Variants in DDX46 observed in about 807,000 individuals in gnomAD.
DDX46 encodes the protein probable ATP-dependent RNA helicase DDX46.
In DDX46, 30 loss-of-function variants were observed where a neutral mutation model predicts 134.9. The ratio of observed to expected loss-of-function variants is 0.22; its 90% CI spans 0.17 to 0.30. The LOEUF (loss-of-function observed/expected upper bound fraction) is 0.30, where lower values mean the gene tolerates loss of function less well. DDX46 is among the 10% of genes least tolerant of loss of function. The pLI is 1.00. For missense variants in DDX46, 622 were observed against 1,248.7 expected, an observed-to-expected ratio of 0.50 and a Z score of 7.56; for synonymous variants, 415 against 404.1, an observed-to-expected ratio of 1.03 and a Z score of -0.32.
At chr5:134,786,386 C>T (rs1438119308) in intron 11 of DDX46, among the ~76,000 whole-genome samples, 2 of 152,088 alleles carry the variant, frequency 1.3e-5, no homozygotes, top group Non-Finnish European at 2.9e-5. Context: ...CCTCCCTCTT[C>T]CCCTGCCTGA....
chr5:134,773,912 A>C, intron 5 of DDX46, 51 bp downstream of exon 5: 18 of 1,433,288 alleles, frequency 1.3e-5, no homozygotes, highest in Non-Finnish European at 1.7e-5. Flanking sequence ...AGAATATTAT[A>C]TGAATAATAT....
At chr5:134,818,679 G>A (rs1264054143) in intron 20 of DDX46, among the ~76,000 whole-genome samples, 181 bp from the exon 21 acceptor site, 1 of 149,360 alleles carries the variant, frequency 6.7e-6, no homozygotes, top group Non-Finnish European at 1.5e-5. Flanking sequence ...TCCAGCCTGG[G>A]CAAAAAGAGC....
At chr5:134,779,347 C>T (rs940919113) in intron 6 of DDX46, among the ~76,000 whole-genome samples, 1 of 152,018 alleles carries the variant, frequency 6.6e-6, no homozygotes, top group Non-Finnish European at 1.5e-5. Context: ...GCGCCCACCA[C>T]CATGCCTGGC....
intron 6 of DDX46, 70 bp from the exon 7 acceptor site, chr5:134,781,063 G>C: frequency 9.4e-7 from 1 of 1,066,618 alleles, no homozygotes; most frequent in Non-Finnish European, 1.3e-6. Context: ...GTCAGTTACT[G>C]TGTGCTTCAG....
chr5:134,759,065 G>A, intron 1 of DDX46, 110 bp downstream of exon 1: 5 of 1,515,460 alleles, frequency 3.3e-6, no homozygotes, highest in Non-Finnish European at 4.4e-6. Context: ...CCCACGTGCG[G>A]TCAGCGCTGC....
In DDX46 at chr5:134,768,325, T is replaced by C. The variant is rs532526781; in HGVS notation, c.350+1265T>C. On this transcript the variant is annotated intron_variant, in intron 3 of 22. Coordinates refer to ENST00000452510, the MANE Select transcript of DDX46 (RefSeq NM_001300860.2). ...TGGGGTTTCACCGTGTTAGCCAGAA[T>C]GGTCTCGATCTCCTGATCTCGTGAT... 2.0e-5 allele frequency among the ~76,000 whole-genome samples: 3 copies of C among 151,920 alleles called. No homozygotes were observed. In the East Asian group the frequency reaches 5.8e-4, roughly 30 times the overall value.
intron 15 of DDX46, among the ~76,000 whole-genome samples, chr5:134,807,175 CTTT>C (rs11284486): frequency 4.1e-5 from 5 of 121,724 alleles, no homozygotes; most frequent in Middle Eastern, 3.9e-3. Flanking sequence ...CCACGCCTGG[CTTT>C]TTTTTTTTTT....
chr5:134,827,111 A>G (rs1755611394), intron 22 of DDX46, 91 bp downstream of exon 22: 1 of 1,304,504 alleles, frequency 7.7e-7, no homozygotes, highest in South Asian at 1.4e-5. Context: ...TCATAAACAT[A>G]TAGTTTGATG....
chr5:134,812,863 C>T lies in DDX46; in HGVS notation c.2436+1018C>T, dbSNP rs181856122. Among the ~76,000 whole-genome samples, 18 of 152,298 alleles carry T rather than the reference C, an allele frequency of 1.2e-4. No homozygotes were observed. The East Asian group carries it at 3.5e-3, about 29-fold the overall frequency. On this transcript the variant is annotated intron_variant, in intron 18 of 22. Transcript: ENST00000452510. ...ATATTGGCCAGGTTGGTCTCAAACT[C>T]CTGACCTCAGGTGATCCACCTGCCT...
At chr5:134,822,157 G>A (rs189577837) in intron 21 of DDX46, among the ~76,000 whole-genome samples, 4 of 152,166 alleles carry the variant, frequency 2.6e-5, no homozygotes, top group African/African-American at 9.6e-5. Flanking sequence ...GGGATTACAG[G>A]CCTGGGCCAC....
intron 14 of DDX46, 70 bp downstream of exon 14, chr5:134,795,084 C>G: frequency 6.4e-7 from 1 of 1,562,570 alleles, no homozygotes; most frequent in East Asian, 2.3e-5. Context: ...CTTCTATGAT[C>G]ACTGTTTGTG....
chr5:134,822,821 C>T (rs1305807470), intron 21 of DDX46, among the ~76,000 whole-genome samples: 2 of 152,194 alleles, frequency 1.3e-5, no homozygotes, highest in African/African-American at 2.4e-5. Context: ...AAGTGATCCT[C>T]CTGCCTCAGC....
chr5:134,813,067 A>C (rs1352128744), intron 18 of DDX46, among the ~76,000 whole-genome samples: 1 of 151,624 alleles, frequency 6.6e-6, no homozygotes, highest in African/African-American at 2.4e-5. Context: ...TCAGACTCCC[A>C]AGTAACTGGA....
At chr5:134,795,215 T>TG (rs201737976) in intron 14 of DDX46, among the ~76,000 whole-genome samples, 20,508 of 149,190 alleles carry the variant, frequency 0.14, 1,672 homozygotes, top group South Asian at 0.35. Flanking sequence ...TTTTTTTTTT[T>TG]TTTTGTTTTT....
intron 2 of DDX46, among the ~76,000 whole-genome samples, chr5:134,765,316 T>C (rs1580769851): frequency 7.0e-6 from 1 of 142,542 alleles, no homozygotes; most frequent in Non-Finnish European, 1.5e-5. Context: ...GAGGCCAAGG[T>C]GGGTGAATCA....
At chr5:134,805,429 G>A (rs374694504) in intron 15 of DDX46, among the ~76,000 whole-genome samples, 4 of 152,028 alleles carry the variant, frequency 2.6e-5, no homozygotes, top group Admixed American at 2.6e-4. Flanking sequence ...GCCTCCCAAA[G>A]TGCTGGAATT....
intron 18 of DDX46, 136 bp from the exon 19 acceptor site, chr5:134,816,294 T>G (rs1755286339): frequency 3.9e-6 from 3 of 764,228 alleles, no homozygotes; most frequent in Non-Finnish European, 6.0e-6. Context: ...TGGATCTGTG[T>G]AGTAGGATTT....
chr5:134,803,914 TC>T (rs1754905093), intron 15 of DDX46, among the ~76,000 whole-genome samples: 1 of 141,956 alleles, frequency 7.0e-6, no homozygotes, highest in Admixed American at 7.1e-5. Flanking sequence ...TGATGATGAT[TC>T]TTCTTTTTTT....
intron 21 of DDX46, among the ~76,000 whole-genome samples, chr5:134,823,312 G>C (rs962193350): frequency 1.3e-5 from 2 of 151,868 alleles, no homozygotes; most frequent in African/African-American, 4.8e-5. Context: ...GCTAATTTTT[G>C]TATTTTTAGT....
Sources: allele counts gnomAD v4.1 joint callset (sites outside exome capture counted in the v4.1 genomes callset), GRCh38; gene constraint gnomAD v4.1.1; transcripts MANE v1.5; gene names NCBI Gene and HGNC (gene_info 2026-07-23, HGNC 2026-07-21).